Variants in DECR1 observed in about 807,000 individuals in gnomAD.
DECR1 encodes 2,4-dienoyl-CoA reductase [(3E)-enoyl-CoA-producing], mitochondrial.
A neutral mutation model predicts 38.8 loss-of-function variants in DECR1; 44 were observed. The observed-to-expected ratio is 1.13, with a 90% CI of 0.89 to 1.46. DECR1 has a LOEUF of 1.46. Ranked by LOEUF, DECR1 falls within the 40% of genes most tolerant of loss-of-function variation. DECR1 has a pLI of 0.00. For missense variants in DECR1, 428 were observed against 405.5 expected, an observed-to-expected ratio of 1.06 and a Z score of -0.48; for synonymous variants, 148 against 135.2, an observed-to-expected ratio of 1.09 and a Z score of -0.66.
intron 6 of DECR1, among the ~76,000 whole-genome samples, chr8:90,037,814 C>T (rs1240947872): frequency 2.0e-5 from 3 of 152,134 alleles, no homozygotes; most frequent in Admixed American, 6.6e-5. Flanking sequence ...TGGGGCTTCT[C>T]ATCATTTCAT....
At chr8:90,036,778 G>A in intron 5 of DECR1, 63 bp from the exon 6 acceptor site, 1 of 1,048,344 alleles carries the variant, frequency 9.5e-7, no homozygotes, top group Non-Finnish European at 1.4e-6. Context: ...TATAAATAAT[G>A]TTTTCCTTAT....
intron 6 of DECR1, among the ~76,000 whole-genome samples, chr8:90,041,595 C>T (rs1200700343): frequency 1.3e-5 from 2 of 152,152 alleles, no homozygotes; most frequent in African/African-American, 4.8e-5. Flanking sequence ...TCTAGAAAGA[C>T]TTAAAGCATT....
In DECR1 at chr8:90,014,876, T is replaced by TGGCA. The variant is rs533339867; in HGVS notation, c.70-2246_70-2243dup. Among the ~76,000 whole-genome samples the TGGCA allele has an allele frequency of 3.3e-4, 50 of 152,262 alleles. 1 individual carries two copies. In the South Asian group the frequency reaches 0.01, roughly 31 times the overall value. ...TTAATGTAATAGTTCTGAAGGCAGG[T>TGGCA]GGCAGCTTTAAGGAAAACTGCCACT... On this transcript the variant is annotated intron_variant, in intron 1 of 9. Transcript: ENST00000220764.
rs1316197287 is a variant in DECR1 at position 90,053,430 on chromosome 8, T to C, written c.*1533T>C. ...ACTTATTCACTATCACACTATTGTG[T>C]TGATATTGTGTTCACACACCAATAA... On this transcript the variant is annotated 3_prime_UTR_variant, in exon 10 of 10. Coordinates refer to ENST00000220764, the MANE Select transcript of DECR1 (RefSeq NM_001359.2). 6.6e-6 allele frequency among the ~76,000 whole-genome samples: 1 copy of C among 152,130 alleles called. No homozygotes were observed. The highest frequency in any genetic ancestry group is 1.5e-5 in the Non-Finnish European group (1 of 68,012).
At chr8:90,007,926 A>G (rs1812784559) in intron 1 of DECR1, among the ~76,000 whole-genome samples, 1 of 152,256 alleles carries the variant, frequency 6.6e-6, no homozygotes, top group Non-Finnish European at 1.5e-5. Context: ...CTAGAATACA[A>G]GGTCAACTGC....
At chr8:90,023,306 G>C (rs189036692) in intron 5 of DECR1, among the ~76,000 whole-genome samples, 1 of 152,068 alleles carries the variant, frequency 6.6e-6, no homozygotes, top group Non-Finnish European at 1.5e-5. Context: ...TTTTCTTGTA[G>C]TATTTAGAAA....
chr8:90,019,846 T>A (rs1384168296), intron 4 of DECR1, among the ~76,000 whole-genome samples: 5 of 152,240 alleles, frequency 3.3e-5, no homozygotes, highest in Admixed American at 2.6e-4. Context: ...CAACTTCCTT[T>A]CAGGAATACT....
intron 5 of DECR1, among the ~76,000 whole-genome samples, chr8:90,034,150 C>G (rs1813562060): frequency 6.6e-6 from 1 of 152,148 alleles, no homozygotes; most frequent in Non-Finnish European, 1.5e-5. Context: ...CCAGGATGTG[C>G]TGAGTTTTCT....
chr8:90,045,378 T>A (rs772536901), intron 8 of DECR1, among the ~76,000 whole-genome samples: 2 of 151,958 alleles, frequency 1.3e-5, no homozygotes, highest in Non-Finnish European at 2.9e-5. Flanking sequence ...ACCAGGAGAT[T>A]ATATCCCGCG....
chr8:90,030,348 TAAGTCTCCTTTTCCATC>T (rs1455484418), intron 5 of DECR1: 1 of 152,204 alleles, frequency 6.6e-6, no homozygotes, highest in African/African-American at 2.4e-5. Flanking sequence ...TTTCATGTTG[TAAGTCTCCTTTTCCATC>T]AACTCTCCGT....
intron 1 of DECR1, among the ~76,000 whole-genome samples, chr8:90,001,853 CGA>C (rs1275186603): frequency 6.9e-6 from 1 of 144,830 alleles, no homozygotes; most frequent in Non-Finnish European, 1.5e-5. Flanking sequence ...ACCCGGGGAG[CGA>C]GAGAGAGGAC....
intron 6 of DECR1, among the ~76,000 whole-genome samples, chr8:90,040,580 C>A (rs1345175939): frequency 3.3e-5 from 5 of 152,080 alleles, no homozygotes; most frequent in Non-Finnish European, 5.9e-5. Context: ...ACCCACCAAC[C>A]CGTCATTTAC....
Position 90,007,377 on chromosome 8 carries a change from A to G in DECR1, c.69+5816A>G, listed in dbSNP as rs564211863. 3.3e-5 allele frequency among the ~76,000 whole-genome samples: 5 copies of G among 152,318 alleles called. No homozygotes were observed. In the East Asian group the frequency reaches 7.7e-4, roughly 24 times the overall value. ...TAGCAGTCCTCGGAAGATCAGTTAA[A>G]AGATGACACAGAATAGGCCCCCAAT... On this transcript the variant is annotated intron_variant, in intron 1 of 9. Transcript: ENST00000220764.
At chr8:90,034,660 C>T (rs1372533631) in intron 5 of DECR1, among the ~76,000 whole-genome samples, 2 of 152,044 alleles carry the variant, frequency 1.3e-5, no homozygotes, top group Non-Finnish European at 2.9e-5. Flanking sequence ...CTATGTTGGC[C>T]AGGCTGGTCT....
intron 6 of DECR1, among the ~76,000 whole-genome samples, chr8:90,041,362 G>C (rs1813759213): frequency 6.6e-6 from 1 of 152,128 alleles, no homozygotes; most frequent in Non-Finnish European, 1.5e-5. Context: ...TAAGTTCTTT[G>C]TAGATTCTGG....
At position 90,023,102 on chromosome 8, in the gene DECR1, T is replaced by C. The variant is rs1171991377; in HGVS notation, c.565+2046T>C. On this transcript the variant is annotated intron_variant, in intron 5 of 9. Coordinates refer to ENST00000220764, the MANE Select transcript of DECR1 (RefSeq NM_001359.2). ...GATCGACAGTCAAGGAACTGAAGCG[T>C]GACATTTTTAACAATATCATGTCTT... 2.0e-5 allele frequency among the ~76,000 whole-genome samples: 3 copies of C among 152,170 alleles called. No homozygotes were observed. The East Asian group carries it at 5.8e-4, about 29-fold the overall frequency.
Position 90,001,557 on chromosome 8 carries a change from G to T in DECR1, c.65G>T (p.Arg22Leu). 1.2e-6 allele frequency: 2 copies of T among 1,612,740 alleles called. No homozygotes were observed. Among genetic ancestry groups the T allele is most frequent in the Non-Finnish European group, 1.7e-6 (2 of 1,179,248 alleles). The change falls in exon 1 of 10, where the codon CGG (arginine) becomes CTG (leucine). Residue 22 changes from arginine (R) to leucine (L), a missense_variant. Coordinates refer to ENST00000220764, the MANE Select transcript of DECR1 (RefSeq NM_001359.2). ...CGGCTGCCCTGTGGCCTCGCTCCTCGGAGGGTAAGGCGGCCGGGGGCGCGG... is the reference window on the plus strand; with the variant it reads ...CGGCTGCCCTGTGGCCTCGCTCCTCTGAGGGTAAGGCGGCCGGGGGCGCGG... ...GSRLPCGLAP[R>L]RFFSYGTKIL...
At chr8:90,037,557 C>T (rs1205480781) in intron 6 of DECR1, among the ~76,000 whole-genome samples, 1 of 152,018 alleles carries the variant, frequency 6.6e-6, no homozygotes, top group African/African-American at 2.4e-5. Flanking sequence ...AGCGATCCTC[C>T]CACCTTAGCC....
At chr8:90,041,101 G>A (rs1056619112) in intron 6 of DECR1, among the ~76,000 whole-genome samples, 2 of 152,182 alleles carry the variant, frequency 1.3e-5, no homozygotes, top group Admixed American at 6.6e-5. Flanking sequence ...CAGTGTAAAA[G>A]TGTTCCTATT....
Sources: gnomAD v4.1 joint callset for allele counts (sites outside exome capture counted in the v4.1 genomes callset) on GRCh38, gnomAD v4.1.1 for gene constraint, MANE v1.5 for transcripts, NCBI Gene and HGNC (gene_info 2026-07-23, HGNC 2026-07-21) for gene names.